Variants in CSMD1 observed in about 807,000 individuals in gnomAD.
The protein encoded by CSMD1 is CUB and Sushi multiple domains 1, also known as CUB and sushi domain-containing protein 1.
A neutral mutation model predicts 417.5 loss-of-function variants in CSMD1; 213 were observed. The observed-to-expected ratio is 0.51, with a 90% CI of 0.46 to 0.57. The LOEUF (loss-of-function observed/expected upper bound fraction) is 0.57. Among genes scored for constraint, CSMD1 ranks in the 20% least tolerant of loss-of-function variants. The probability of loss-of-function intolerance (pLI) is 0.00; values close to 1 mark genes in which losing one functional copy is unlikely to be tolerated. For synonymous variants in CSMD1, 2,862 were observed against 1,736.8 expected (o/e 1.65, Z -16.11); for missense variants, 6,923 against 4,529.7 (o/e 1.53, Z -15.17).
At chr8:3,475,898 G>C (rs922766657) in intron 11 of CSMD1, among the ~76,000 whole-genome samples, 11 of 152,196 alleles carry the variant, frequency 7.2e-5, no homozygotes, top group Non-Finnish European at 1.3e-4. Context: ...GTTCTTGAAA[G>C]CTTAATGACA....
chr8:4,599,571 G>C (rs1043855300), intron 2 of CSMD1, among the ~76,000 whole-genome samples: 1 of 151,674 alleles, frequency 6.6e-6, no homozygotes, highest in African/African-American at 2.4e-5. Flanking sequence ...TCATTGATAA[G>C]TTACGTCAAC....
intron 40 of CSMD1, among the ~76,000 whole-genome samples, 165 bp from the exon 41 acceptor site, chr8:3,142,839 G>A (rs138718202): frequency 6.6e-6 from 1 of 152,202 alleles, no homozygotes; most frequent in Non-Finnish European, 1.5e-5. Context: ...AGCAAACCCT[G>A]GCTCCATCTT....
chr8:3,443,524 A>T (rs1360716293), intron 12 of CSMD1, among the ~76,000 whole-genome samples: 2 of 152,232 alleles, frequency 1.3e-5, no homozygotes, highest in Non-Finnish European at 2.9e-5. Flanking sequence ...AGCAAGAATG[A>T]ACCAGAACAA....
At chr8:4,478,892 T>C (rs1274903766) in intron 2 of CSMD1, among the ~76,000 whole-genome samples, 5 of 152,178 alleles carry the variant, frequency 3.3e-5, no homozygotes, top group Admixed American at 2.0e-4. Flanking sequence ...AGCAGACAAA[T>C]GGAAATTTAA....
intron 11 of CSMD1, 173 bp from the exon 12 acceptor site, chr8:3,468,997 C>G (rs1007415772): frequency 2.8e-5 from 13 of 465,238 alleles, no homozygotes; most frequent in Non-Finnish European, 4.2e-5. Flanking sequence ...TCAAACATCA[C>G]TATCACTGGT....
rs1160038804 is a variant in CSMD1 at position 3,684,259 on chromosome 8, TATA to T, written c.1009+24152_1009+24154del. 2.1e-5 allele frequency among the ~76,000 whole-genome samples: 3 copies of T among 143,624 alleles called. No homozygotes were observed. In the Admixed American group the frequency reaches 2.2e-4, roughly 11 times the overall value. 94.2% of individuals were successfully genotyped at this position (143,624 alleles called of 152,430 possible). A position where few individuals can be genotyped will look rare whatever the true frequency, so the allele number is the denominator to read the frequency against. ...TATATAATTTATATATTATATAAAA[TATA>T]TAGCTATATGTTATATATTATATAT... On this transcript the variant is annotated intron_variant, in intron 7 of 69. Coordinates refer to ENST00000635120, the MANE Select transcript of CSMD1 (RefSeq NM_033225.6).
chr8:3,058,383 G>A (rs915977067), intron 49 of CSMD1, among the ~76,000 whole-genome samples: 1 of 152,158 alleles, frequency 6.6e-6, no homozygotes, highest in African/African-American at 2.4e-5. Flanking sequence ...TGGGTAGACA[G>A]TAAATATATA....
chr8:4,927,021 T>C (rs571384847), intron 1 of CSMD1, among the ~76,000 whole-genome samples: 1 of 151,880 alleles, frequency 6.6e-6, no homozygotes, highest in South Asian at 2.1e-4. Flanking sequence ...ACATCCCGTA[T>C]CTAAAAGACA....
At chr8:3,248,742 C>G (rs1039280222) in intron 26 of CSMD1, among the ~76,000 whole-genome samples, 20 of 152,000 alleles carry the variant, frequency 1.3e-4, no homozygotes, top group African/African-American at 4.6e-4. Flanking sequence ...CTAACACGTT[C>G]TCTCCCATCT....
At chr8:3,433,229 G>A (rs1055014889) in intron 12 of CSMD1, among the ~76,000 whole-genome samples, 3 of 152,162 alleles carry the variant, frequency 2.0e-5, no homozygotes, top group Non-Finnish European at 4.4e-5. Flanking sequence ...TTGACATAGA[G>A]ATGTAGTTAC....
intron 10 of CSMD1, among the ~76,000 whole-genome samples, chr8:3,513,882 C>T (rs1255051866): frequency 6.6e-6 from 1 of 152,126 alleles, no homozygotes; most frequent in Admixed American, 6.5e-5. Flanking sequence ...TAGATAAACA[C>T]ACAAAGGTTA....
In CSMD1 at chr8:3,367,319, G is replaced by T. The variant is rs1809658891; in HGVS notation, c.2900-72C>A. 4.2e-6 allele frequency: 4 copies of T among 962,874 alleles called. No individual in the cohort carries two copies. The South Asian group carries it at 4.2e-5, about 10-fold the overall frequency. The allele number at this position is 962,874 out of a possible 1,614,324, so 59.6% of individuals were successfully genotyped here. Reference sequence around the variant, plus strand: ...ACGGGGCGGCGGGGGCAGAGAGGGAGCGGGGCAGAGAGAGACAGAGACATA... The same window carrying T: ...ACGGGGCGGCGGGGGCAGAGAGGGATCGGGGCAGAGAGAGACAGAGACATA... On this transcript the variant is annotated intron_variant, in intron 19 of 69. Transcript: ENST00000635120.
At chr8:4,194,679 G>A (rs935870184) in intron 3 of CSMD1, among the ~76,000 whole-genome samples, 3 of 152,038 alleles carry the variant, frequency 2.0e-5, no homozygotes, top group Non-Finnish European at 4.4e-5. Flanking sequence ...ATGGGGAAAA[G>A]GATCATACAA....
chr8:3,110,518 A>AT (rs1264771840), intron 42 of CSMD1, among the ~76,000 whole-genome samples, 183 bp from the exon 43 acceptor site: 1 of 152,242 alleles, frequency 6.6e-6, no homozygotes, highest in Non-Finnish European at 1.5e-5. Context: ...TAGAAGAATT[A>AT]TACGTCTAAG....
At chr8:3,683,124 C>T (rs1799753400) in intron 7 of CSMD1, among the ~76,000 whole-genome samples, 2 of 151,796 alleles carry the variant, frequency 1.3e-5, no homozygotes, top group Non-Finnish European at 2.9e-5. Flanking sequence ...TGCAGCACAC[C>T]AACATGGCAC....
chr8:3,397,971 C>G (rs1056772444), intron 16 of CSMD1, among the ~76,000 whole-genome samples: 7 of 152,234 alleles, frequency 4.6e-5, no homozygotes, highest in African/African-American at 1.7e-4. Flanking sequence ...TGTACTATGT[C>G]TAGAGTACAG....
intron 5 of CSMD1, among the ~76,000 whole-genome samples, chr8:3,963,624 A>G (rs1812474960): frequency 6.6e-6 from 1 of 152,198 alleles, no homozygotes; most frequent in African/African-American, 2.4e-5. Flanking sequence ...CACATATGGT[A>G]TATTGTTTCA....
chr8:3,754,846 G>A (rs780605248), intron 5 of CSMD1, among the ~76,000 whole-genome samples: 1 of 152,150 alleles, frequency 6.6e-6, no homozygotes, highest in Non-Finnish European at 1.5e-5. Flanking sequence ...CATCCCATTT[G>A]CAGGACTAAG....
intron 2 of CSMD1, among the ~76,000 whole-genome samples, chr8:4,614,738 G>C (rs1301775656): frequency 3.3e-5 from 5 of 152,188 alleles, no homozygotes; most frequent in East Asian, 1.9e-4. Flanking sequence ...TTCAATTACA[G>C]TGGAAAGACT....
Sources: gnomAD v4.1 joint callset for allele counts (sites outside exome capture counted in the v4.1 genomes callset) on GRCh38, gnomAD v4.1.1 for gene constraint, MANE v1.5 for transcripts, NCBI Gene and HGNC (gene_info 2026-07-23, HGNC 2026-07-21) for gene names.